Variants in HS6ST3 observed in about 807,000 individuals in gnomAD.
HS6ST3 encodes heparan sulfate 6-O-sulfotransferase 3, also known as heparan-sulfate 6-O-sulfotransferase 3.
A neutral mutation model predicts 36.7 loss-of-function variants in HS6ST3; 12 were observed. The ratio of observed to expected loss-of-function variants is 0.33; its 90% CI spans 0.21 to 0.53. The LOEUF (loss-of-function observed/expected upper bound fraction) is 0.53, where lower values mean the gene tolerates loss of function less well. Ranked by LOEUF, HS6ST3 falls within the 20% of genes least tolerant of loss-of-function variation. The pLI is 0.95. For missense variants in HS6ST3, 584 were observed against 640.9 expected (o/e 0.91, Z 0.96); for synonymous variants, 240 against 257.5 (o/e 0.93, Z 0.65).
At chr13:96,137,169 A>T (rs1020720487) in intron 1 of HS6ST3, among the ~76,000 whole-genome samples, 3 of 15,008 alleles carry the variant, frequency 2.0e-4, no homozygotes, top group Non-Finnish European at 3.0e-4. Context: ...CCCCACCCCC[A>T]CCCCCATTTA....
intron 1 of HS6ST3, among the ~76,000 whole-genome samples, chr13:96,781,073 G>A (rs1439692138): frequency 1.3e-5 from 2 of 152,124 alleles, no homozygotes; most frequent in Non-Finnish European, 2.9e-5. Flanking sequence ...AGATAGCTGT[G>A]TCTGTCTAAC....
chr13:96,765,060 CTTTTTTT>C (rs11423735), intron 1 of HS6ST3, among the ~76,000 whole-genome samples: 16 of 93,914 alleles, frequency 1.7e-4, no homozygotes, highest in Non-Finnish European at 2.6e-4. Context: ...TTGTTTCTTT[CTTTTTTT>C]TTTTTTTTTT....
At chr13:96,556,163 A>G (rs1198326596) in intron 1 of HS6ST3, among the ~76,000 whole-genome samples, 2 of 152,180 alleles carry the variant, frequency 1.3e-5, no homozygotes, top group Non-Finnish European at 2.9e-5. Context: ...TCAACCCACT[A>G]TTGACCATGT....
At chr13:96,581,222 A>ATTT (rs11411556) in intron 1 of HS6ST3, among the ~76,000 whole-genome samples, 4 of 142,758 alleles carry the variant, frequency 2.8e-5, no homozygotes, top group Non-Finnish European at 3.0e-5. Context: ...AACAACTACT[A>ATTT]TTTTTTTTTT....
intron 1 of HS6ST3, among the ~76,000 whole-genome samples, chr13:96,462,707 T>C (rs2055790881): frequency 6.6e-6 from 1 of 152,174 alleles, no homozygotes; most frequent in African/African-American, 2.4e-5. Context: ...AAACTCAAAA[T>C]GATTTATAAA....
intron 1 of HS6ST3, among the ~76,000 whole-genome samples, chr13:96,443,708 A>G (rs901306117): frequency 1.3e-5 from 2 of 152,328 alleles, no homozygotes; most frequent in African/African-American, 4.8e-5. Flanking sequence ...CTCTATTGCC[A>G]GCATGTAGAA....
At chr13:96,829,186 G>A (rs1878714917) in intron 1 of HS6ST3, among the ~76,000 whole-genome samples, 1 of 152,060 alleles carries the variant, frequency 6.6e-6, no homozygotes, top group Admixed American at 6.6e-5. Flanking sequence ...TCAGAGTGTG[G>A]TGGCAAAGCA....
intron 1 of HS6ST3, among the ~76,000 whole-genome samples, chr13:96,612,040 T>C (rs1457079583): frequency 6.6e-6 from 1 of 152,160 alleles, no homozygotes; most frequent in Non-Finnish European, 1.5e-5. Context: ...GGACTTGATT[T>C]AGAGTAGTCT....
chr13:96,352,640 G>T (rs777750530), intron 1 of HS6ST3, among the ~76,000 whole-genome samples: 2 of 152,184 alleles, frequency 1.3e-5, no homozygotes, highest in African/African-American at 2.4e-5. Context: ...TGACTTCTAG[G>T]AGTCATAGGT....
chr13:96,310,329 T>A (rs1286199963), intron 1 of HS6ST3, among the ~76,000 whole-genome samples: 1 of 152,172 alleles, frequency 6.6e-6, no homozygotes, highest in Admixed American at 6.5e-5. Context: ...TGAAATTTAT[T>A]TATCATTGTG....
chr13:96,802,905 C>A (rs555131648), intron 1 of HS6ST3, among the ~76,000 whole-genome samples: 1 of 152,240 alleles, frequency 6.6e-6, no homozygotes, highest in East Asian at 1.9e-4. Flanking sequence ...CGTAAAAGTA[C>A]CTTATCAATC....
intron 1 of HS6ST3, among the ~76,000 whole-genome samples, chr13:96,091,802 C>T (rs1443748893): frequency 6.6e-6 from 1 of 152,142 alleles, no homozygotes; most frequent in African/African-American, 2.4e-5. Flanking sequence ...CCTTCACCCT[C>T]TAAGATGTGC....
chr13:96,819,444 T>A (rs1456075940), intron 1 of HS6ST3, among the ~76,000 whole-genome samples: 1 of 152,192 alleles, frequency 6.6e-6, no homozygotes, highest in Non-Finnish European at 1.5e-5. Flanking sequence ...CCTTTTTCAG[T>A]TGATTTCAAA....
At chr13:96,769,734 CTGTGTG>C (rs66777701) in intron 1 of HS6ST3, among the ~76,000 whole-genome samples, 2,211 of 140,216 alleles carry the variant, frequency 0.016, 24 homozygotes, top group African/African-American at 0.026. Flanking sequence ...ATTCCTAGCT[CTGTGTG>C]TGTGTGTGTG....
intron 1 of HS6ST3, among the ~76,000 whole-genome samples, chr13:96,147,843 C>G (rs1458163890): frequency 6.6e-6 from 1 of 152,208 alleles, no homozygotes; most frequent in African/African-American, 2.4e-5. Flanking sequence ...GTAACATATA[C>G]AATCATAAAA....
intron 1 of HS6ST3, among the ~76,000 whole-genome samples, chr13:96,255,035 A>C (rs2139379906): frequency 6.6e-6 from 1 of 152,340 alleles, no homozygotes; most frequent in Non-Finnish European, 1.5e-5. Context: ...TAGGTTAGAA[A>C]AGATATTCCA....
chr13:96,347,208 GC>G (rs2055160198), intron 1 of HS6ST3, among the ~76,000 whole-genome samples: 1 of 152,128 alleles, frequency 6.6e-6, no homozygotes, highest in South Asian at 2.1e-4. Context: ...GTTTCAAGCT[GC>G]TAAGTTTTAT....
At chr13:96,563,001 T>G (rs2056267913) in intron 1 of HS6ST3, among the ~76,000 whole-genome samples, 1 of 138,900 alleles carries the variant, frequency 7.2e-6, no homozygotes, top group Admixed American at 7.6e-5. Context: ...TCCCTGAAAG[T>G]AGGCCTAGAC....
At chr13:96,658,182 A>C (rs2056632238) in intron 1 of HS6ST3, among the ~76,000 whole-genome samples, 1 of 149,578 alleles carries the variant, frequency 6.7e-6, no homozygotes, top group Non-Finnish European at 1.5e-5. Flanking sequence ...TGCATGTATT[A>C]TTAGCTTGTT....
Sources: allele counts gnomAD v4.1 joint callset (sites outside exome capture counted in the v4.1 genomes callset), GRCh38; gene constraint gnomAD v4.1.1; transcripts MANE v1.5; gene names NCBI Gene and HGNC (gene_info 2026-07-23, HGNC 2026-07-21).